Variants in PTPRT observed in about 807,000 individuals in gnomAD.
The protein encoded by PTPRT is protein tyrosine phosphatase receptor type T.
Under a neutral mutation model 176.8 loss-of-function variants are expected in PTPRT, and 56 were observed. That is an observed-to-expected ratio of 0.32 (90% CI 0.26 to 0.40). The LOEUF is 0.40. Ranked by LOEUF, PTPRT falls within the 10% of genes least tolerant of loss-of-function variation. The pLI is 1.00. For missense variants in PTPRT, 1,540 were observed against 1,908.2 expected (o/e 0.81, Z 3.60); for synonymous variants, 783 against 739.0 (o/e 1.06, Z -0.96).
intron 1 of PTPRT, among the ~76,000 whole-genome samples, chr20:42,890,580 T>C (rs6030549): frequency 0.041 from 6,177 of 152,090 alleles, 316 homozygotes; most frequent in African/African-American, 0.12. Flanking sequence ...GGCTAGGGTG[T>C]CCTGCCACTG....
At chr20:42,700,984 T>A (rs2075965955) in intron 6 of PTPRT, among the ~76,000 whole-genome samples, 1 of 152,126 alleles carries the variant, frequency 6.6e-6, no homozygotes, top group African/African-American at 2.4e-5. Context: ...GATTAATGGA[T>A]TTATTTCCCA....
intron 13 of PTPRT, 70 bp from the exon 14 acceptor site, chr20:42,248,892 G>T: frequency 1.3e-6 from 2 of 1,562,676 alleles, no homozygotes; most frequent in South Asian, 2.3e-5. Context: ...TCATCATAAT[G>T]ACAACAGCTT....
At chr20:43,026,349 C>CT (rs1430685375) in intron 1 of PTPRT, among the ~76,000 whole-genome samples, 1 of 152,162 alleles carries the variant, frequency 6.6e-6, no homozygotes, top group Non-Finnish European at 1.5e-5. Flanking sequence ...AACTCCTGAC[C>CT]TCGTTGTCTG....
chr20:42,251,261 G>C (rs917216038), intron 13 of PTPRT, among the ~76,000 whole-genome samples: 1 of 152,114 alleles, frequency 6.6e-6, no homozygotes, highest in Non-Finnish European at 1.5e-5. Flanking sequence ...GAGTGCAATG[G>C]CAAAGAGCCC....
chr20:42,869,688 G>A (rs2078811312), intron 2 of PTPRT, among the ~76,000 whole-genome samples: 1 of 152,196 alleles, frequency 6.6e-6, no homozygotes. Flanking sequence ...TGATACAGGA[G>A]TAAGACTTCT....
intron 7 of PTPRT, among the ~76,000 whole-genome samples, chr20:42,528,205 C>G (rs947990314): frequency 6.6e-6 from 1 of 152,038 alleles, no homozygotes; most frequent in Admixed American, 6.5e-5. Context: ...CACATTTTGC[C>G]TTTTCATGCT....
the PTPRT span, among the ~76,000 whole-genome samples, chr20:42,038,549 C>T: frequency 6.6e-6 from 1 of 152,140 alleles, no homozygotes; most frequent in African/African-American, 2.4e-5. Context: ...TGGTTTGCTT[C>T]ATGGTGATGG....
chr20:42,973,107 G>A (rs1982749060), intron 1 of PTPRT, among the ~76,000 whole-genome samples: 1 of 151,618 alleles, frequency 6.6e-6, no homozygotes, highest in African/African-American at 2.4e-5. Context: ...GTCCAGGGGA[G>A]AGATGGTAGC....
rs148201887 is a variant in PTPRT at position 42,546,294 on chromosome 20, A to G, written c.1154-73732T>C. The stretch of plus-strand genomic sequence containing the variant: ...GGGGGAAATAATGTACAGAAATTGA[A>G]GGTGAGGTACAGAATGGCTGGATTG... On this transcript the variant is annotated intron_variant, in intron 7 of 30. Coordinates refer to ENST00000373187, the MANE Select transcript of PTPRT (RefSeq NM_007050.6). 4.6e-4 allele frequency among the ~76,000 whole-genome samples: 70 copies of G among 152,288 alleles called. No homozygotes were observed. The East Asian group carries it at 0.013, about 27-fold the overall frequency.
intron 1 of PTPRT, among the ~76,000 whole-genome samples, chr20:42,905,333 T>G (rs566023572): frequency 6.6e-6 from 1 of 152,124 alleles, no homozygotes; most frequent in Admixed American, 6.5e-5. Context: ...TCATCACTGG[T>G]CATCAGAGAA....
At chr20:42,409,776 A>G (rs1194941344) in intron 9 of PTPRT, among the ~76,000 whole-genome samples, 1 of 152,206 alleles carries the variant, frequency 6.6e-6, no homozygotes, top group Non-Finnish European at 1.5e-5. Flanking sequence ...CTATCTTTGT[A>G]AAGTTTTGTT....
intron 1 of PTPRT, among the ~76,000 whole-genome samples, chr20:43,102,189 A>C (rs968820588): frequency 5.9e-5 from 9 of 152,182 alleles, no homozygotes; most frequent in African/African-American, 2.2e-4. Flanking sequence ...GCATACATTC[A>C]GACCATAGCA....
chr20:42,873,887 A>T (rs1216092503), intron 2 of PTPRT, among the ~76,000 whole-genome samples: 1 of 152,228 alleles, frequency 6.6e-6, no homozygotes, highest in Non-Finnish European at 1.5e-5. Context: ...CTGGGGAAAA[A>T]AGACTATATT....
chr20:42,996,051 T>C (rs1984204337), intron 1 of PTPRT, among the ~76,000 whole-genome samples: 1 of 152,172 alleles, frequency 6.6e-6, no homozygotes, highest in Admixed American at 6.5e-5. Flanking sequence ...CAGGCTGGTA[T>C]TGCCATCTAC....
chr20:42,154,431 T>G (rs546995240), intron 17 of PTPRT, among the ~76,000 whole-genome samples: 1 of 152,192 alleles, frequency 6.6e-6, no homozygotes, highest in Non-Finnish European at 1.5e-5. Context: ...AAGAACAAGA[T>G]GGCAACACAG....
chr20:42,880,619 A>G (rs1449851181), intron 2 of PTPRT, among the ~76,000 whole-genome samples: 2 of 152,094 alleles, frequency 1.3e-5, no homozygotes, highest in Non-Finnish European at 2.9e-5. Context: ...ACTTGTGGAA[A>G]CCCATGCCAA....
intron 7 of PTPRT, among the ~76,000 whole-genome samples, chr20:42,488,395 C>A (rs938460793): frequency 6.6e-6 from 1 of 152,170 alleles, no homozygotes; most frequent in Non-Finnish European, 1.5e-5. Context: ...TTCATCCAAC[C>A]TTTGGTATTA....
rs527613398 is a variant in PTPRT, at chr20:42,284,346, G to T, written c.2140-1821C>A. 1.8e-4 allele frequency among the ~76,000 whole-genome samples: 28 copies of T among 152,068 alleles called. 1 individual carries two copies. In the South Asian group the frequency reaches 2.3e-3, roughly 12 times the overall value. On this transcript the variant is annotated intron_variant, in intron 12 of 30. Coordinates refer to ENST00000373187, the MANE Select transcript of PTPRT (RefSeq NM_007050.6). ...GCCTGCTTCTACATGTACAAGTGTGGCTATATTTTTGAAACCCAAGTACAG... is the reference window on the plus strand; with the variant it reads ...GCCTGCTTCTACATGTACAAGTGTGTCTATATTTTTGAAACCCAAGTACAG...
At chr20:42,110,780 T>TTTTA (rs1555870552) in intron 22 of PTPRT, among the ~76,000 whole-genome samples, 2 of 151,722 alleles carry the variant, frequency 1.3e-5, no homozygotes, top group African/African-American at 4.9e-5. Flanking sequence ...GGAGACCTTC[T>TTTTA]TTTGTTTGCC....
Sources: gnomAD v4.1 joint callset for allele counts (sites outside exome capture counted in the v4.1 genomes callset) on GRCh38, gnomAD v4.1.1 for gene constraint, MANE v1.5 for transcripts, NCBI Gene and HGNC (gene_info 2026-07-23, HGNC 2026-07-21) for gene names.